The following FSIP1 variants were observed in gnomAD, a reference collection of about 807,000 sequenced individuals.
The protein encoded by FSIP1 is fibrous sheath interacting protein 1, also known as fibrous sheath-interacting protein 1.
A neutral mutation model predicts 60.9 loss-of-function variants in FSIP1; 65 were observed. That is an observed-to-expected ratio of 1.07 (90% confidence interval 0.87 to 1.31). FSIP1 has a LOEUF of 1.31. Among genes scored for constraint, FSIP1 ranks in the 40% most tolerant of loss-of-function variants. FSIP1 has a pLI of 0.00. For missense variants in FSIP1, 675 were observed against 665.5 expected (o/e 1.01, Z -0.16); for synonymous variants, 209 against 221.2 (o/e 0.94, Z 0.49).
At chr15:39,627,259 C>T (rs1182614680) in intron 10 of FSIP1, among the ~76,000 whole-genome samples, 1 of 152,230 alleles carries the variant, frequency 6.6e-6, no homozygotes, top group African/African-American at 2.4e-5. Context: ...TCTAACATGG[C>T]CTGTGCTGCT....
intron 10 of FSIP1, among the ~76,000 whole-genome samples, chr15:39,654,568 A>C (rs1294269561): frequency 6.6e-6 from 1 of 152,268 alleles, no homozygotes; most frequent in Non-Finnish European, 1.5e-5. Flanking sequence ...TTTGAGAGAC[A>C]ATAAATCCAA....
chr15:39,771,286 A>C (rs150163395), intron 2 of FSIP1, among the ~76,000 whole-genome samples: 5 of 152,318 alleles, frequency 3.3e-5, no homozygotes, highest in Non-Finnish European at 7.4e-5. Context: ...CAAGGGAGAC[A>C]GGAAAGACCT....
At chr15:39,721,573 A>G (rs1895983038) in intron 9 of FSIP1, among the ~76,000 whole-genome samples, 2 of 152,244 alleles carry the variant, frequency 1.3e-5, no homozygotes, top group South Asian at 2.1e-4. Context: ...TAGTCTGGAC[A>G]CTACATCAAC....
chr15:39,680,651 CCA>C (rs1894125472), intron 10 of FSIP1, among the ~76,000 whole-genome samples: 1 of 152,194 alleles, frequency 6.6e-6, no homozygotes. Flanking sequence ...AACTGTAGAA[CCA>C]CAGTCAGGCC....
intron 10 of FSIP1, among the ~76,000 whole-genome samples, chr15:39,631,916 T>C (rs1406908763): frequency 6.6e-6 from 1 of 152,236 alleles, no homozygotes; most frequent in Non-Finnish European, 1.5e-5. Flanking sequence ...AGCCCCCATC[T>C]TTCATGTGAA....
At chr15:39,612,976 A>C (rs1891089338) in intron 11 of FSIP1, among the ~76,000 whole-genome samples, 1 of 152,104 alleles carries the variant, frequency 6.6e-6, no homozygotes, top group African/African-American at 2.4e-5. Flanking sequence ...AAGAATATTT[A>C]ATAACACAGA....
intron 10 of FSIP1, among the ~76,000 whole-genome samples, chr15:39,672,513 T>A (rs913773650): frequency 6.6e-6 from 1 of 152,144 alleles, no homozygotes; most frequent in Non-Finnish European, 1.5e-5. Context: ...TTATAACACT[T>A]AGGAATTAAA....
chr15:39,622,040 C>G (rs1891459559), intron 10 of FSIP1, among the ~76,000 whole-genome samples: 1 of 152,200 alleles, frequency 6.6e-6, no homozygotes, highest in South Asian at 2.1e-4. Context: ...ACAAACATCC[C>G]TAACTGCCCT....
At chr15:39,721,312 A>C (rs1006029545) in intron 9 of FSIP1, among the ~76,000 whole-genome samples, 2 of 152,244 alleles carry the variant, frequency 1.3e-5, no homozygotes, top group African/African-American at 4.8e-5. Flanking sequence ...CAACTTGTTC[A>C]GAAAACTGTT....
rs77254415 is a variant in FSIP1, at chr15:39,737,543, A to G, written c.891+548T>C. Among the ~76,000 whole-genome samples the G allele has an allele frequency of 2.5e-3, 377 of 152,362 alleles. 4 individuals are homozygous for G. The East Asian group carries it at 0.028, about 11-fold the overall frequency. Reference sequence around the variant, plus strand: ...CACATCACAGGAAGAAGTTACTGTGATAACCAATGTGTAAACACTGCTTAG... The same window carrying G: ...CACATCACAGGAAGAAGTTACTGTGGTAACCAATGTGTAAACACTGCTTAG... On this transcript the variant is annotated intron_variant, in intron 8 of 11. Transcript: ENST00000350221.
chr15:39,707,975 G>A (rs1426700164), intron 10 of FSIP1, among the ~76,000 whole-genome samples: 2 of 151,156 alleles, frequency 1.3e-5, no homozygotes, highest in Non-Finnish European at 2.9e-5. Context: ...TGTTTGTCTG[G>A]TTTGAAGTAC....
At chr15:39,680,545 C>T (rs1566882593) in intron 10 of FSIP1, among the ~76,000 whole-genome samples, 1 of 152,244 alleles carries the variant, frequency 6.6e-6, no homozygotes, top group East Asian at 1.9e-4. Context: ...ATGATCTTTG[C>T]CCTAGTTAGA....
intron 10 of FSIP1, among the ~76,000 whole-genome samples, chr15:39,627,360 T>G (rs1052870118): frequency 6.6e-6 from 1 of 152,206 alleles, no homozygotes; most frequent in African/African-American, 2.4e-5. Flanking sequence ...CTTGGCTCCT[T>G]CCCAGGATTT....
At chr15:39,696,501 A>G (rs1894818082) in intron 10 of FSIP1, among the ~76,000 whole-genome samples, 1 of 152,230 alleles carries the variant, frequency 6.6e-6, no homozygotes, top group Non-Finnish European at 1.5e-5. Flanking sequence ...GCACTCTAGA[A>G]TATTCTTAGT....
chr15:39,705,550 T>C (rs1393678052), intron 10 of FSIP1, among the ~76,000 whole-genome samples: 2 of 152,162 alleles, frequency 1.3e-5, no homozygotes, highest in Admixed American at 1.3e-4. Flanking sequence ...TAGAAAATTA[T>C]CTAATAAAGG....
chr15:39,747,037 C>CTCCTTCCCTCCTTCCCTCCTTCCA (rs1555397710), intron 5 of FSIP1, among the ~76,000 whole-genome samples: 2 of 133,476 alleles, frequency 1.5e-5, no homozygotes, highest in African/African-American at 6.3e-5. Flanking sequence ...CCCTCCTTCC[C>CTCCTTCCCTCCTTCCCTCCTTCCA]TCCTTCCATT....
chr15:39,666,740 C>A (rs796908166), intron 10 of FSIP1, among the ~76,000 whole-genome samples: 7 of 152,270 alleles, frequency 4.6e-5, no homozygotes, highest in African/African-American at 1.4e-4. Context: ...TTTTAGGATG[C>A]CTTTGGAATT....
intron 5 of FSIP1, chr15:39,747,416 T>C (rs1054851984): frequency 1.3e-5 from 2 of 152,186 alleles, no homozygotes; most frequent in Non-Finnish European, 2.9e-5. Flanking sequence ...AAACATACAT[T>C]TCTTTCTGTT....
chr15:39,718,647 C>A (rs894153034), intron 9 of FSIP1, among the ~76,000 whole-genome samples: 1 of 151,996 alleles, frequency 6.6e-6, no homozygotes, highest in Non-Finnish European at 1.5e-5. Flanking sequence ...CAGGTGCACA[C>A]CACCTCGCCT....
Sources: gnomAD v4.1 joint callset for allele counts (sites outside exome capture counted in the v4.1 genomes callset) on GRCh38, gnomAD v4.1.1 for gene constraint, MANE v1.5 for transcripts, NCBI Gene and HGNC (gene_info 2026-07-23, HGNC 2026-07-21) for gene names.